The following NCOR2 variants were observed in gnomAD, a reference collection of about 807,000 sequenced individuals.
NCOR2 encodes the protein CTG repeat protein 26.
A neutral mutation model predicts 262.9 loss-of-function variants in NCOR2; 81 were observed. That is an observed-to-expected ratio of 0.31 (90% CI 0.26 to 0.37). NCOR2 has a LOEUF of 0.37. Ranked by LOEUF, NCOR2 falls within the 10% of genes least tolerant of loss-of-function variation. The probability of loss-of-function intolerance (pLI) is 1.00; values close to 1 mark genes in which losing one functional copy is unlikely to be tolerated. For missense variants in NCOR2, 3,385 were observed against 3,621.4 expected, an observed-to-expected ratio of 0.93 and a Z score of 1.68; for synonymous variants, 1,659 against 1,559.3, an observed-to-expected ratio of 1.06 and a Z score of -1.51.
At chr12:124,383,515 T>C in intron 17 of NCOR2, 1 of 871,122 alleles carries the variant, frequency 1.1e-6, no homozygotes, top group Non-Finnish European at 1.5e-6. Context: ...TCTCCTAGTC[T>C]AATAAAACCT....
At position 124,471,953 on chromosome 12, in the gene NCOR2, A is replaced by G. The variant is rs537206198; in HGVS notation, c.591+999T>C. Among the ~76,000 whole-genome samples the G allele has an allele frequency of 3.3e-5, 5 of 152,378 alleles. No homozygotes were observed. The South Asian group carries it at 8.3e-4, about 25-fold the overall frequency. On this transcript the variant is annotated intron_variant, in intron 4 of 46. Coordinates refer to ENST00000405201, the Ensembl canonical transcript of NCOR2. The stretch of plus-strand genomic sequence containing the variant: ...TCTGTTGTGATGACTTAACTCTGCC[A>G]CTGTGGCAGAAAAGCAGTCATATAA...
intron 20 of NCOR2, among the ~76,000 whole-genome samples, chr12:124,366,927 G>A (rs1193359760): frequency 2.6e-5 from 4 of 152,082 alleles, no homozygotes; most frequent in African/African-American, 7.2e-5. Context: ...AGGGTTCGAC[G>A]TATCAGCTGT....
At chr12:124,522,015 T>TCAAATAAA (rs1422573474) in intron 1 of NCOR2, among the ~76,000 whole-genome samples, 1 of 152,106 alleles carries the variant, frequency 6.6e-6, no homozygotes, top group Non-Finnish European at 1.5e-5. Context: ...AGGCCGCATC[T>TCAAATAAA]CAAATAAACA....
intron 16 of NCOR2, among the ~76,000 whole-genome samples, chr12:124,386,824 G>A (rs918258213): frequency 2.6e-5 from 4 of 152,252 alleles, no homozygotes; most frequent in Non-Finnish European, 4.4e-5. Flanking sequence ...GGCACACACA[G>A]GCACAGGCCA....
chr12:124,496,280 C>T (rs1407667503), upstream of NCOR2, among the ~76,000 whole-genome samples: 4 of 151,852 alleles, frequency 2.6e-5, no homozygotes, highest in African/African-American at 9.7e-5. This position sits in a 1 kb window ranked among gnomAD's most constrained non-coding sequence, Gnocchi z 4.4. Context: ...CACAGCTCCA[C>T]GCCACCTGCT....
At chr12:124,333,069 C>A in intron 42 of NCOR2, 61 bp downstream of exon 44, 1 of 1,526,320 alleles carries the variant, frequency 6.6e-7, no homozygotes, top group Admixed American at 2.0e-5. Context: ...TGGACTGGGG[C>A]CAAGGATGGG....
At chr12:124,434,693 T>C (rs1306957893) in intron 8 of NCOR2, among the ~76,000 whole-genome samples, 1 of 152,122 alleles carries the variant, frequency 6.6e-6, no homozygotes, top group Admixed American at 6.6e-5. Context: ...GGCGGCAAGA[T>C]CGCGCTGAAT....
intron 9 of NCOR2, 145 bp downstream of exon 11, chr12:124,430,470 G>T: frequency 1.1e-6 from 1 of 943,414 alleles, no homozygotes; most frequent in Non-Finnish European, 1.5e-6. Flanking sequence ...ACGTGACACA[G>T]GCCAGGGTCT....
At chr12:124,366,960 A>G (rs935974736) in intron 20 of NCOR2, among the ~76,000 whole-genome samples, 1 of 151,784 alleles carries the variant, frequency 6.6e-6, no homozygotes, top group Non-Finnish European at 1.5e-5. Flanking sequence ...AACAGTAAAA[A>G]TAATATTTTT....
At chr12:124,501,051 C>T (rs1373310402) in intron 1 of NCOR2, among the ~76,000 whole-genome samples, 11 of 97,702 alleles carry the variant, frequency 1.1e-4, no homozygotes, top group Admixed American at 2.2e-4. Flanking sequence ...CACGAGCGCG[C>T]GCGCACGCGC....
chr12:124,556,109 C>T (rs1277003247), intron 1 of NCOR2: 1 of 152,308 alleles, frequency 6.6e-6, no homozygotes, highest in Non-Finnish European at 1.5e-5. Flanking sequence ...CTGGGCCTCT[C>T]TGTGGGCTTA....
At chr12:124,375,512 C>T (rs1217055876) in intron 18 of NCOR2, among the ~76,000 whole-genome samples, 2 of 152,156 alleles carry the variant, frequency 1.3e-5, no homozygotes, top group South Asian at 2.1e-4. Flanking sequence ...ACTCTGCCAC[C>T]GCTGCCCTAG....
chr12:124,441,138 T>C (rs1297328125), intron 7 of NCOR2, among the ~76,000 whole-genome samples: 2 of 152,176 alleles, frequency 1.3e-5, no homozygotes, highest in Non-Finnish European at 2.9e-5. Flanking sequence ...GCAGCACCCA[T>C]ATCTCAGCAA....
upstream of NCOR2, among the ~76,000 whole-genome samples, chr12:124,536,733 A>G (rs75982201): frequency 6.6e-6 from 1 of 152,236 alleles, no homozygotes; most frequent in Non-Finnish European, 1.5e-5. Context: ...ACTACTTTGC[A>G]AAAACAGTTT....
At chr12:124,436,357 G>A (rs939407067) in intron 8 of NCOR2, among the ~76,000 whole-genome samples, 2 of 152,138 alleles carry the variant, frequency 1.3e-5, no homozygotes, top group Non-Finnish European at 2.9e-5. Flanking sequence ...GAGAGAGGAG[G>A]TGGGGCAGGG....
intron 1 of NCOR2, among the ~76,000 whole-genome samples, chr12:124,543,974 C>A (rs1218671410): frequency 6.6e-6 from 1 of 152,234 alleles, no homozygotes; most frequent in African/African-American, 2.4e-5. Context: ...CGCCCCACAT[C>A]CTCCCCCTGT....
At chr12:124,367,275 G>C (rs982438514) in intron 20 of NCOR2, among the ~76,000 whole-genome samples, 66 of 152,030 alleles carry the variant, frequency 4.3e-4, no homozygotes, top group African/African-American at 1.5e-3. Flanking sequence ...CCCTCTGGGG[G>C]GCACACACAG....
chr12:124,343,685 G>T (rs2036657425), intron 32 of NCOR2, among the ~76,000 whole-genome samples: 1 of 151,766 alleles, frequency 6.6e-6, no homozygotes, highest in African/African-American at 2.4e-5. Context: ...GGAGTGCAAT[G>T]GCACGATCTC....
chr12:124,489,213 G>A (rs368589042), intron 1 of NCOR2, among the ~76,000 whole-genome samples: 24 of 152,142 alleles, frequency 1.6e-4, no homozygotes, highest in South Asian at 4.2e-4. Context: ...ACCTCGCCAC[G>A]TCTCCAAGCA....
Sources: gnomAD v4.1 joint callset for allele counts (sites outside exome capture counted in the v4.1 genomes callset) on GRCh38, gnomAD v4.1.1 for gene constraint, Gnocchi (gnomAD v3.1) non-coding constraint, MANE v1.5 for transcripts, NCBI Gene and HGNC (gene_info 2026-07-23, HGNC 2026-07-21) for gene names.